Variants in L2HGDH observed in about 807,000 individuals in gnomAD.
L2HGDH encodes L-2-hydroxyglutarate dehydrogenase, mitochondrial.
Under a neutral mutation model 51.5 loss-of-function variants are expected in L2HGDH, and 34 were observed. The ratio of observed to expected loss-of-function variants is 0.66; its 90% CI spans 0.50 to 0.88. The LOEUF (loss-of-function observed/expected upper bound fraction) is 0.88, where lower values mean the gene tolerates loss of function less well. Among genes scored for constraint, L2HGDH ranks in the 40% least tolerant of loss-of-function variants. The pLI is 0.00. For synonymous variants in L2HGDH, 198 were observed against 197.9 expected (o/e 1.00, Z -0.01); for missense variants, 558 against 571.9 (o/e 0.98, Z 0.25).
At chr14:50,282,741 T>C (rs1890341802) in intron 5 of L2HGDH, among the ~76,000 whole-genome samples, 1 of 152,184 alleles carries the variant, frequency 6.6e-6, no homozygotes, top group Non-Finnish European at 1.5e-5. Flanking sequence ...GACCAAGTGC[T>C]TAATAAATGT....
chr14:50,262,874 T>C lies in L2HGDH; in HGVS notation c.1196+2484A>G, dbSNP rs548497710. Among the ~76,000 whole-genome samples the C allele has an allele frequency of 5.3e-5, 8 of 152,340 alleles. No individual in the cohort carries two copies. In the South Asian group the frequency reaches 1.7e-3, roughly 32 times the overall value. On this transcript the variant is annotated intron_variant, in intron 9 of 9. Transcript: ENST00000267436. ...TGGAATTGCTGAATTAGTTAGCTTTTCTCTCTTTAAAGAGGAACTCATCTG... is the reference window on the plus strand; with the variant it reads ...TGGAATTGCTGAATTAGTTAGCTTTCCTCTCTTTAAAGAGGAACTCATCTG...
At position 50,263,556 on chromosome 14, in the gene L2HGDH, G is replaced by A. The variant is rs181484456; in HGVS notation, c.1196+1802C>T. Among the ~76,000 whole-genome samples, 372 of 152,308 alleles carry A rather than the reference G, an allele frequency of 2.4e-3. 1 individual carries two copies. Among genetic ancestry groups the A allele is most frequent in the Non-Finnish European group, 3.7e-3 (255 of 68,028 alleles). On this transcript the variant is annotated intron_variant, in intron 9 of 9. Transcript: ENST00000267436. ...TTTTTACCAGGCTAGTTCAGCAGCT[G>A]TTGCAGAGAAAGCAGATATCTAGTG... is the stretch of plus-strand genomic sequence containing the variant.
intron 4 of L2HGDH, among the ~76,000 whole-genome samples, chr14:50,289,873 T>C (rs1890775439): frequency 6.6e-6 from 1 of 152,180 alleles, no homozygotes; most frequent in Non-Finnish European, 1.5e-5. Flanking sequence ...GTCTGACTTA[T>C]CAACAGCTAC....
chr14:50,306,076 G>C (rs2030706241), intron 1 of L2HGDH, among the ~76,000 whole-genome samples: 1 of 149,954 alleles, frequency 6.7e-6, no homozygotes, highest in Non-Finnish European at 1.5e-5. Context: ...CGGTGAGATG[G>C]AGTCTGGCTC....
chr14:50,294,235 A>G lies in L2HGDH; in HGVS notation c.420T>C (p.Ala140=). 1.9e-6 allele frequency: 3 copies of G among 1,612,982 alleles called. No individual in the cohort carries two copies. The highest frequency in any genetic ancestry group is 2.5e-6 in the Non-Finnish European group (3 of 1,179,756). ...GTCTGGGAATTTCTTCTTGTTCAAC[A>G]GCTACTATAAGCTTCAAAAAAAAAA... ...SYKQCGKLIV[A]VEQEEIPRLQ... The change falls in exon 4 of 10, where the codon GCT becomes GCC. Residue 140 remains alanine, a synonymous_variant. Coordinates refer to ENST00000267436, the MANE Select transcript of L2HGDH (RefSeq NM_024884.3).
At chr14:50,260,945 A>G (rs1888981201) in intron 9 of L2HGDH, among the ~76,000 whole-genome samples, 1 of 152,014 alleles carries the variant, frequency 6.6e-6, no homozygotes, top group Non-Finnish European at 1.5e-5. Flanking sequence ...GTGAAACCCC[A>G]TCTCTACTAA....
At chr14:50,279,887 C>T (rs1018435796) in intron 5 of L2HGDH, among the ~76,000 whole-genome samples, 2 of 151,624 alleles carry the variant, frequency 1.3e-5, no homozygotes, top group African/African-American at 4.8e-5. Flanking sequence ...ATGATGAAAT[C>T]CCATCTCTAC....
chr14:50,275,180 T>TA (rs142905920), intron 6 of L2HGDH, among the ~76,000 whole-genome samples: 14,205 of 152,248 alleles, frequency 0.093, 765 homozygotes, highest in Non-Finnish European at 0.12. Context: ...TGATATCAAA[T>TA]AACTTGATTG....
chr14:50,278,168 C>A (rs913888624), intron 6 of L2HGDH, among the ~76,000 whole-genome samples: 1 of 152,180 alleles, frequency 6.6e-6, no homozygotes, highest in African/African-American at 2.4e-5. Context: ...CAGTCCATCT[C>A]CCTCTGGACA....
At chr14:50,301,933 A>G (rs2030431647) in intron 3 of L2HGDH, 84 bp downstream of exon 3, 2 of 1,382,564 alleles carry the variant, frequency 1.4e-6, no homozygotes, top group South Asian at 1.2e-5. Flanking sequence ...AAAGAAAAAA[A>G]TACATTTTTA....
At chr14:50,310,946 T>C (rs946967262) in intron 1 of L2HGDH, among the ~76,000 whole-genome samples, 3 of 138,548 alleles carry the variant, frequency 2.2e-5, no homozygotes, top group Non-Finnish European at 3.1e-5. Context: ...CTTTTTTTTT[T>C]TTTTTTTTTT....
rs1055743031 is a variant in L2HGDH, at chr14:50,243,417, TA to T, written c.*3640del. On this transcript the variant is annotated 3_prime_UTR_variant, in exon 10 of 10. Transcript: ENST00000267436. ...AAGCAAACAGTTTATGTTTTACACA[TA>T]AAAAAATTTATTTGCATAAAAGTTT... The T allele has an allele frequency of 7.7e-5, 75 of 970,042 alleles. 1 individual carries two copies. Among genetic ancestry groups the T allele is most frequent in the African/African-American group, 1.8e-4 (10 of 57,020 alleles). 60.1% of individuals were successfully genotyped at this position (970,042 alleles called of 1,614,324 possible).
intron 9 of L2HGDH, among the ~76,000 whole-genome samples, chr14:50,248,100 T>G (rs887786811): frequency 1.3e-5 from 2 of 152,198 alleles, no homozygotes; most frequent in Admixed American, 1.3e-4. Context: ...GTAAAGACAC[T>G]GATAATCTTT....
chr14:50,306,039 T>C (rs2030702024), intron 1 of L2HGDH, among the ~76,000 whole-genome samples: 1 of 146,464 alleles, frequency 6.8e-6, no homozygotes, highest in Non-Finnish European at 1.5e-5. Flanking sequence ...GGACTGACTG[T>C]TTTGACTGAC....
At chr14:50,262,377 C>T (rs1421031104) in intron 9 of L2HGDH, among the ~76,000 whole-genome samples, 1 of 150,622 alleles carries the variant, frequency 6.6e-6, no homozygotes, top group Non-Finnish European at 1.5e-5. Context: ...TTGTAGTAAG[C>T]CGACATTGTA....
At chr14:50,278,203 T>A (rs938157727) in intron 6 of L2HGDH, among the ~76,000 whole-genome samples, 1 of 152,200 alleles carries the variant, frequency 6.6e-6, no homozygotes, top group Non-Finnish European at 1.5e-5. Flanking sequence ...TCTTCCGAAG[T>A]CTTCTGATTT....
At chr14:50,252,716 A>C (rs1888437375) in intron 9 of L2HGDH, among the ~76,000 whole-genome samples, 1 of 152,098 alleles carries the variant, frequency 6.6e-6, no homozygotes, top group Non-Finnish European at 1.5e-5. Flanking sequence ...ATGATAAAGG[A>C]GTCAATTCAG....
chr14:50,306,022 A>G (rs1488859465), intron 1 of L2HGDH, among the ~76,000 whole-genome samples: 1 of 151,726 alleles, frequency 6.6e-6, no homozygotes, highest in African/African-American at 2.4e-5. Context: ...AGAACCCACA[A>G]AAACGAGGAC....
chr14:50,302,116 A>C lies in L2HGDH; in HGVS notation c.309T>G (p.Tyr103Ter). ...ATTTGGCTTTCAGAGACTCAGGTTTATAATAAATTCCACTATGTATGACAC... is the reference window on the plus strand; with the variant it reads ...ATTTGGCTTTCAGAGACTCAGGTTTCTAATAAATTCCACTATGTATGACAC... ...NSGVIHSGIY[Y>*]KPESLKAKLC... The change falls in exon 3 of 10, where the codon TAT (tyrosine) becomes TAG (stop). Residue 103 changes from tyrosine (Y) to a stop codon, truncating the protein, a stop_gained. Transcript: ENST00000267436. LOFTEE classifies it high-confidence loss of function. 6.2e-7 allele frequency: 1 copy of C among 1,614,112 alleles called. No individual in the cohort carries two copies. The highest frequency in any genetic ancestry group is 8.5e-7 in the Non-Finnish European group (1 of 1,179,992).
Sources: gnomAD v4.1 joint callset for allele counts (sites outside exome capture counted in the v4.1 genomes callset) on GRCh38, gnomAD v4.1.1 for gene constraint, MANE v1.5 for transcripts, NCBI Gene and HGNC (gene_info 2026-07-23, HGNC 2026-07-21) for gene names.